BTG2: variants seen among roughly 807,000 people sequenced by gnomAD.
BTG2 encodes protein BTG2.
Under a neutral mutation model 13.1 loss-of-function variants are expected in BTG2, and 9 were observed. The ratio of observed to expected loss-of-function variants is 0.69; its 90% CI spans 0.41 to 1.20. The LOEUF is 1.20. Among genes scored for constraint, BTG2 ranks in the 50% most tolerant of loss-of-function variants. The pLI is 0.00. For missense variants in BTG2, 200 were observed against 209.5 expected (o/e 0.95, Z 0.28); for synonymous variants, 92 against 88.6 (o/e 1.04, Z -0.21).
chr1:203,307,606 A>C lies in BTG2; in HGVS notation c.*168A>C, dbSNP rs936847166. 15 of 545,010 alleles carry C rather than the reference A, an allele frequency of 2.8e-5. No homozygotes were observed. The highest frequency in any genetic ancestry group is 3.7e-5 in the Non-Finnish European group (13 of 352,710). 33.8% of individuals were successfully genotyped at this position (545,010 alleles called of 1,614,324 possible). A position where few individuals can be genotyped will look rare whatever the true frequency, so the allele number is the denominator to read the frequency against. On this transcript the variant is annotated 3_prime_UTR_variant, in exon 2 of 2. Transcript: ENST00000290551. ...ACCAAAAGTTTTTTTTAAGAAAAAA[A>C]ATCCTTCAAGGGAGCTGCTTGGAAG...
intron 1 of BTG2, among the ~76,000 whole-genome samples, chr1:203,306,431 G>C (rs1658275391): frequency 6.6e-6 from 1 of 152,200 alleles, no homozygotes; most frequent in African/African-American, 2.4e-5. Context: ...GCTGTTTCTA[G>C]CTGGTTACTG....
Position 203,305,698 on chromosome 1 carries a change from G to A in BTG2, c.92G>A (p.Ser31Asn). The change falls in exon 1 of 2, where the codon AGC becomes AAC. Residue 31 changes from serine (S) to asparagine (N), a missense_variant. Physicochemically the swap from Ser to Asn is conservative, Grantham distance 46. Coordinates refer to ENST00000290551, the MANE Select transcript of BTG2 (RefSeq NM_006763.3). ...SSLLRTRGCV[S>N]EQRLKVFSGA... is the part of the protein sequence containing the mutation. The stretch of plus-strand genomic sequence containing the variant: ...CTCCTGAGGACCCGGGGCTGCGTGA[G>A]CGAGCAGAGGCTTAAGGTCTTCAGC... The A allele has an allele frequency of 1.3e-6, 2 of 1,556,152 alleles. No homozygotes were observed. Among genetic ancestry groups the A allele is most frequent in the Middle Eastern group, 3.3e-4 (2 of 5,994 alleles).
chr1:203,306,123 G>A (rs556481588), intron 1 of BTG2, among the ~76,000 whole-genome samples: 1 of 152,178 alleles, frequency 6.6e-6, no homozygotes, highest in Non-Finnish European at 1.5e-5. Context: ...CCGGTCGGCC[G>A]AGGGGTCCCG....
rs973031183 is a variant in BTG2, at chr1:203,308,230, G to A, written c.*792G>A. On this transcript the variant is annotated 3_prime_UTR_variant, in exon 2 of 2. Transcript: ENST00000290551. The stretch of plus-strand genomic sequence containing the variant: ...TGTATGTGTGGCAAATAATTTGGGG[G>A]TGATTTGCAATGAAATTTTGGGACC... 1.3e-5 allele frequency: 2 copies of A among 152,726 alleles called. No homozygotes were observed. Among genetic ancestry groups the A allele is most frequent in the Middle Eastern group, 3.4e-3 (1 of 294 alleles). 9.5% of individuals were successfully genotyped at this position (152,726 alleles called of 1,614,324 possible). A position where few individuals can be genotyped will look rare whatever the true frequency, so the allele number is the denominator to read the frequency against.
At chr1:203,306,358 T>C (rs547488979) in intron 1 of BTG2, among the ~76,000 whole-genome samples, 1 of 152,162 alleles carries the variant, frequency 6.6e-6, no homozygotes, top group Non-Finnish European at 1.5e-5. Flanking sequence ...CGTGCGGGCC[T>C]TCAAGTTGGG....
chr1:203,305,550 C>T lies in BTG2; in HGVS notation c.-57C>T, dbSNP rs1558183098. 8.3e-6 allele frequency: 13 copies of T among 1,560,488 alleles called. No individual in the cohort carries two copies. The highest frequency in any genetic ancestry group is 1.1e-5 in the Non-Finnish European group (13 of 1,152,328). ...CGAGCAGCGGCCAGGGTAACGCTGT[C>T]TTGTGGACCCGCACTTCCCACCCGA... On this transcript the variant is annotated 5_prime_UTR_variant, in exon 1 of 2. Transcript: ENST00000290551.
rs2102283939 is a variant in BTG2, at chr1:203,305,899, CCA to C, written c.142+152_142+153del. The C allele has an allele frequency of 2.6e-6, 3 of 1,134,472 alleles. No individual in the cohort carries two copies. The East Asian group carries it at 8.2e-5, about 31-fold the overall frequency. The allele number at this position is 1,134,472 out of a possible 1,614,324, so 70.3% of individuals were successfully genotyped here. ...CGACCCCCGGGGCGGCCCGCAGTCC[CCA>C]GTTTCCTGGGTCCTCCTCCCCAGCC... On this transcript the variant is annotated intron_variant, in intron 1 of 1. Coordinates refer to ENST00000290551, the MANE Select transcript of BTG2 (RefSeq NM_006763.3).
In BTG2 at chr1:203,307,665, G is replaced by A. The variant is rs1046110576; in HGVS notation, c.*227G>A. 6 of 345,100 alleles carry A rather than the reference G, an allele frequency of 1.7e-5. No homozygotes were observed. The highest frequency in any genetic ancestry group is 1.3e-4 in the African/African-American group (6 of 47,284). The allele number at this position is 345,100 out of a possible 1,614,324, so 21.4% of individuals were successfully genotyped here. On this transcript the variant is annotated 3_prime_UTR_variant, in exon 2 of 2. Coordinates refer to ENST00000290551, the MANE Select transcript of BTG2 (RefSeq NM_006763.3). ...CCAGGTGCCTTTGGAGAGAACTGTT[G>A]CGTGCTTGAGTCTGTGAGCCAGTGT...
chr1:203,306,375 A>G (rs575479068), intron 1 of BTG2, among the ~76,000 whole-genome samples: 2 of 152,104 alleles, frequency 1.3e-5, no homozygotes, highest in African/African-American at 2.4e-5. Flanking sequence ...TGGGAGGTGA[A>G]GAGATAAGCA....
chr1:203,307,553 A>AT lies in BTG2; in HGVS notation c.*124dup, dbSNP rs762792320. 846 of 783,588 alleles carry AT rather than the reference A, an allele frequency of 1.1e-3. 1 individual carries two copies. The East Asian group carries it at 0.013, about 12-fold the overall frequency. The allele number at this position is 783,588 out of a possible 1,614,324, so 48.5% of individuals were successfully genotyped here. ...AAATGAAGAGCTATTTATATATATT[A>AT]TTTTTTTTTAAGAAAGGAGGAAAAG... On this transcript the variant is annotated 3_prime_UTR_variant, in exon 2 of 2. Transcript: ENST00000290551.
chr1:203,307,154 T>G lies in BTG2; in HGVS notation c.193T>G (p.Tyr65Asp). 1 of 1,614,178 alleles carries G rather than the reference T, an allele frequency of 6.2e-7. No individual in the cohort carries two copies. The highest frequency in any genetic ancestry group is 8.5e-7 in the Non-Finnish European group (1 of 1,180,026). The stretch of plus-strand genomic sequence containing the variant: ...CGAAAAGCCGTCCAAGGGCTCCGGC[T>G]ACCGCTGCATTCGCATCAACCACAA... ...FPEKPSKGSGYRCIRINHKMD... is the reference protein window; with the variant it reads ...FPEKPSKGSGDRCIRINHKMD... Residue 65 changes from tyrosine to aspartate, a missense_variant, in exon 2 of 2, where the codon TAC becomes GAC. Tyr to Asp is a radical substitution (Grantham distance 160). Coordinates refer to ENST00000290551, the MANE Select transcript of BTG2 (RefSeq NM_006763.3).
chr1:203,307,007 T>C (rs1658294142), intron 1 of BTG2, 97 bp from the exon 2 acceptor site: 2 of 1,060,996 alleles, frequency 1.9e-6, no homozygotes, highest in African/African-American at 3.2e-5. Flanking sequence ...GGCCCCTTTC[T>C]CTCCTCCTGT....
rs2102286084 is a variant in BTG2 at position 203,307,703 on chromosome 1, G to C, written c.*265G>C. ...TGTGAGCCAGTGTCTGCCTATAGGA[G>C]GGGGAGCTGTTAGGGGGTAGACCTA... On this transcript the variant is annotated 3_prime_UTR_variant, in exon 2 of 2. Coordinates refer to ENST00000290551, the MANE Select transcript of BTG2 (RefSeq NM_006763.3). 3.7e-6 allele frequency: 1 copy of C among 267,432 alleles called. No homozygotes were observed. The highest frequency in any genetic ancestry group is 2.2e-5 in the African/African-American group (1 of 45,506). The allele number at this position is 267,432 out of a possible 1,614,324, so 16.6% of individuals were successfully genotyped here.
At position 203,307,369 on chromosome 1, in the gene BTG2, C is replaced by G; in HGVS notation, c.408C>G (p.Thr136=). The G allele has an allele frequency of 1.2e-6, 2 of 1,612,310 alleles. No homozygotes were observed. Among genetic ancestry groups the G allele is most frequent in the Middle Eastern group, 1.7e-4 (1 of 6,056 alleles). Residue 136 remains threonine, a synonymous_variant, in exon 2 of 2, where the codon ACC becomes ACG. Coordinates refer to ENST00000290551, the MANE Select transcript of BTG2 (RefSeq NM_006763.3). The part of the protein sequence containing the change: ...APLAASCGLL[T]CKNQVLLGRS... Reference sequence around the variant, plus strand: ...TGGCCGCCTCCTGTGGGCTCCTCACCTGCAAGAACCAAGTGCTGCTGGGCC... The same window carrying G: ...TGGCCGCCTCCTGTGGGCTCCTCACGTGCAAGAACCAAGTGCTGCTGGGCC...
At chr1:203,306,584 G>C (rs2102284937) in intron 1 of BTG2, among the ~76,000 whole-genome samples, 1 of 152,264 alleles carries the variant, frequency 6.6e-6, no homozygotes, top group African/African-American at 2.4e-5. Flanking sequence ...TCTGAAGGAA[G>C]CAGAGGGAAC....
In BTG2 at chr1:203,307,210, C is replaced by A. The variant is rs1238276835; in HGVS notation, c.249C>A (p.Ser83Arg). The A allele has an allele frequency of 6.2e-7, 1 of 1,614,120 alleles. No individual in the cohort carries two copies. Among genetic ancestry groups the A allele is most frequent in the Admixed American group, 1.7e-5 (1 of 60,012 alleles). Residue 83 changes from serine to arginine, a missense_variant, in exon 2 of 2, where the codon AGC (serine) becomes AGA (arginine). Transcript: ENST00000290551. ...KMDPIISRVA[S>R]QIGLSQPQLH... ...ACCCCATCATCAGCAGGGTGGCCAG[C>A]CAGATCGGACTCAGCCAGCCCCAGC...
In BTG2 at chr1:203,305,601, C is replaced by G; in HGVS notation, c.-6C>G. The G allele has an allele frequency of 6.2e-7, 1 of 1,601,742 alleles. No individual in the cohort carries two copies. Among genetic ancestry groups the G allele is most frequent in the Non-Finnish European group, 8.5e-7 (1 of 1,173,936 alleles). On this transcript the variant is annotated 5_prime_UTR_variant, in exon 1 of 2. Transcript: ENST00000290551. ...GACCTCTCACTGAGCCCGAGCCGCG[C>G]GCGACATGAGCCACGGGAAGGGAAC...
rs1658331099 is a variant in BTG2 at position 203,308,822 on chromosome 1, G to A, written c.*1384G>A. On this transcript the variant is annotated 3_prime_UTR_variant, in exon 2 of 2. Coordinates refer to ENST00000290551, the MANE Select transcript of BTG2 (RefSeq NM_006763.3). ...GTCGTAGACTTGTGCAATATATACT[G>A]TTGTGGGTTGGAGAAAAGTGGAAAG... 6.6e-6 allele frequency: 1 copy of A among 152,636 alleles called. No homozygotes were observed. Among genetic ancestry groups the A allele is most frequent in the South Asian group, 2.1e-4 (1 of 4,830 alleles). The allele number at this position is 152,636 out of a possible 1,614,324, so 9.5% of individuals were successfully genotyped here.
At position 203,305,739 on chromosome 1, in the gene BTG2, GCA is replaced by G. The variant is rs1558183262; in HGVS notation, c.135_136del (p.Leu46HisfsTer62). The G allele has an allele frequency of 6.5e-7, 1 of 1,547,860 alleles. No homozygotes were observed. The highest frequency in any genetic ancestry group is 8.7e-7 in the Non-Finnish European group (1 of 1,145,794). ...LKVFSGALQE[A>X]LTEHYKHHWF... ...GGTCTTCAGCGGGGCGCTCCAGGAGGCACTCACAGGTGAGCGCATGCCGAGGG... is the reference window on the plus strand; with the variant it reads ...GGTCTTCAGCGGGGCGCTCCAGGAGGCTCACAGGTGAGCGCATGCCGAGGG... On this transcript the variant is annotated frameshift_variant, in exon 1 of 2. Coordinates refer to ENST00000290551, the MANE Select transcript of BTG2 (RefSeq NM_006763.3). LOFTEE classifies it high-confidence loss of function.
Sources: gnomAD v4.1 joint callset for allele counts (sites outside exome capture counted in the v4.1 genomes callset) on GRCh38, gnomAD v4.1.1 for gene constraint, MANE v1.5 for transcripts, NCBI Gene and HGNC (gene_info 2026-07-23, HGNC 2026-07-21) for gene names.